ACAA2: variants seen among roughly 807,000 people sequenced by gnomAD.
ACAA2 encodes 3-ketoacyl-CoA thiolase, mitochondrial.
Under a neutral mutation model 44.8 loss-of-function variants are expected in ACAA2, and 35 were observed. The observed-to-expected ratio is 0.78, with a 90% CI of 0.60 to 1.04. The LOEUF (loss-of-function observed/expected upper bound fraction) is 1.04. Among genes scored for constraint, ACAA2 ranks in the 50% least tolerant of loss-of-function variants. The pLI, the probability that ACAA2 is intolerant of heterozygous loss-of-function variation, is 0.00. For synonymous variants in ACAA2, 142 were observed against 166.5 expected (o/e 0.85, Z 1.13); for missense variants, 468 against 482.6 (o/e 0.97, Z 0.28).
At chr18:49,801,814 A>ATATCTC (rs1491158195) in intron 2 of ACAA2, among the ~76,000 whole-genome samples, 1 of 135,000 alleles carries the variant, frequency 7.4e-6, no homozygotes, top group African/African-American at 2.7e-5. Context: ...ATATATATAT[A>ATATCTC]TCTTATCTTT....
At chr18:49,800,890 T>TA (rs5824805) in intron 2 of ACAA2, among the ~76,000 whole-genome samples, 76,832 of 121,110 alleles carry the variant, frequency 0.63, 23,001 homozygotes, top group Middle Eastern at 0.77. Context: ...GAATGATCAA[T>TA]AAAAAAAAAA....
intron 2 of ACAA2, 47 bp from the exon 3 acceptor site, chr18:49,797,641 T>C: frequency 6.7e-7 from 1 of 1,488,252 alleles, no homozygotes. Flanking sequence ...ATAAATCTAC[T>C]AATTAAGAAC....
At chr18:49,792,028 G>T in intron 6 of ACAA2, 124 bp downstream of exon 6, 1 of 634,408 alleles carries the variant, frequency 1.6e-6, no homozygotes, top group Non-Finnish European at 2.5e-6. Context: ...AATTGAATAT[G>T]AACACTATTA....
At chr18:49,799,672 AC>A (rs1196298389) in intron 2 of ACAA2, among the ~76,000 whole-genome samples, 8 of 144,920 alleles carry the variant, frequency 5.5e-5, no homozygotes, top group African/African-American at 2.1e-4. Context: ...CTGCCTGGCC[AC>A]CCATCGTCTG....
chr18:49,809,444 G>A (rs7242611), intron 1 of ACAA2, among the ~76,000 whole-genome samples: 30,659 of 152,114 alleles, frequency 0.2, 3,435 homozygotes, highest in East Asian at 0.39. Context: ...AGCTCTAGCC[G>A]GTCCCTCCAT....
chr18:49,792,442 ATT>A, intron 5 of ACAA2, 115 bp from the exon 6 acceptor site: 1 of 970,924 alleles, frequency 1.0e-6, no homozygotes, highest in South Asian at 1.8e-5. Context: ...CTACTTTAAT[ATT>A]GAGTCTTTAT....
rs904566552 is a variant in ACAA2 at position 49,799,748 on chromosome 18, G to C, written c.184-2154C>G. Among the ~76,000 whole-genome samples the C allele has an allele frequency of 6.6e-5, 10 of 150,964 alleles. No homozygotes were observed. In the South Asian group the frequency reaches 1.7e-3, roughly 26 times the overall value. On this transcript the variant is annotated intron_variant, in intron 2 of 9. Transcript: ENST00000285093. ...AAGTGAGGAGCGTCTCTGCCTGGCC[G>C]CCATCCCATCTAGGAAGTGAGGGGC... is the stretch of plus-strand genomic sequence containing the variant.
Position 49,787,284 on chromosome 18 carries a change from CACTT to C in ACAA2, c.954+3_954+6del, listed in dbSNP as rs914595019. On this transcript the variant is annotated splice_donor_5th_base_variant and intron_variant, in intron 8 of 9. Transcript: ENST00000285093. Reference sequence around the variant, plus strand: ...TTAAAAAAAAAAAAAAAAAAAAAAACACTTACCTCTACCAAATCCATGTCCTTAA... The same window carrying C: ...TTAAAAAAAAAAAAAAAAAAAAAAACACCTCTACCAAATCCATGTCCTTAA... 2.0e-5 allele frequency: 18 copies of C among 885,508 alleles called. No individual in the cohort carries two copies. Among genetic ancestry groups the C allele is most frequent in the African/African-American group, 1.4e-4 (6 of 44,006 alleles). The allele number at this position is 885,508 out of a possible 1,614,324, so 54.9% of individuals were successfully genotyped here. A position where few individuals can be genotyped will look rare whatever the true frequency, so the allele number is the denominator to read the frequency against.
intron 2 of ACAA2, among the ~76,000 whole-genome samples, chr18:49,798,697 T>A (rs2023493323): frequency 6.6e-6 from 1 of 152,152 alleles, no homozygotes; most frequent in African/African-American, 2.4e-5. Flanking sequence ...TGAATGCAGA[T>A]GGAACTGGGA....
At chr18:49,810,861 A>G (rs758891555) in intron 1 of ACAA2, among the ~76,000 whole-genome samples, 2 of 150,564 alleles carry the variant, frequency 1.3e-5, no homozygotes, top group Admixed American at 6.6e-5. Context: ...TAATTTTTGT[A>G]TTTTTTGTAG....
chr18:49,787,217 A>G, intron 8 of ACAA2, 74 bp downstream of exon 8: 6 of 1,210,734 alleles, frequency 5.0e-6, no homozygotes, highest in Non-Finnish European at 6.6e-6. Context: ...AGACCAAATT[A>G]AAGTCATTTA....
intron 8 of ACAA2, 23 bp downstream of exon 8, chr18:49,787,260 TAAAAAAAA>T (rs35932656): frequency 8.9e-5 from 91 of 1,028,130 alleles, no homozygotes; most frequent in East Asian, 8.7e-4. Flanking sequence ...TTCATGTTGT[TAAAAAAAA>T]AAAAAAAAAA....
intron 9 of ACAA2, among the ~76,000 whole-genome samples, chr18:49,784,667 A>C (rs1056076585): frequency 1.3e-5 from 2 of 152,150 alleles, no homozygotes; most frequent in South Asian, 4.1e-4. Flanking sequence ...ATATTCCAAA[A>C]ATAGAAGAGC....
chr18:49,792,655 C>G (rs533318449), intron 5 of ACAA2, among the ~76,000 whole-genome samples: 2 of 152,224 alleles, frequency 1.3e-5, no homozygotes, highest in South Asian at 2.1e-4. Flanking sequence ...TCCATGTTGG[C>G]CATGCTAGCC....
chr18:49,797,854 T>G (rs1325483069), intron 2 of ACAA2, among the ~76,000 whole-genome samples: 4 of 152,202 alleles, frequency 2.6e-5, no homozygotes, highest in African/African-American at 9.6e-5. Context: ...TTGTAACCAT[T>G]TTTAAGTGTA....
At chr18:49,809,217 T>C (rs1234507474) in intron 1 of ACAA2, among the ~76,000 whole-genome samples, 1 of 152,256 alleles carries the variant, frequency 6.6e-6, no homozygotes, top group African/African-American at 2.4e-5. Context: ...ATCGCTGTTA[T>C]TCTGTTCAAG....
Position 49,813,454 on chromosome 18 carries a change from G to A in ACAA2, c.16+15C>T. On this transcript the variant is annotated intron_variant, in intron 1 of 9. Transcript: ENST00000285093. ...ACCCCGAGGGGCGAGGAGAGGAGGAGGGGGCTGCGCTCACCTCGGAGCAGA... is the reference window on the plus strand; with the variant it reads ...ACCCCGAGGGGCGAGGAGAGGAGGAAGGGGCTGCGCTCACCTCGGAGCAGA... 8.1e-7 allele frequency: 1 copy of A among 1,241,738 alleles called. No individual in the cohort carries two copies. Among genetic ancestry groups the A allele is most frequent in the Non-Finnish European group, 1.0e-6 (1 of 987,444 alleles). The allele number at this position is 1,241,738 out of a possible 1,614,324, so 76.9% of individuals were successfully genotyped here. A position where few individuals can be genotyped will look rare whatever the true frequency, so the allele number is the denominator to read the frequency against.
intron 7 of ACAA2, 33 bp from the exon 8 acceptor site, chr18:49,787,394 T>C (rs755199067): frequency 8.4e-6 from 11 of 1,303,010 alleles, no homozygotes; most frequent in African/African-American, 1.6e-5. Context: ...TATAAAAATA[T>C]AGAAATAAAT....
At position 49,782,547 on chromosome 18, in the gene ACAA2, CA is replaced by C. The variant is rs72049121; in HGVS notation, c.*1299del. The stretch of plus-strand genomic sequence containing the variant: ...TGGGTGACAGAGCAAGATGCTATCT[CA>C]AAAAAAAAAAAAAAAGGCCGGGTGC... On this transcript the variant is annotated 3_prime_UTR_variant, in exon 10 of 10. Coordinates refer to ENST00000285093, the MANE Select transcript of ACAA2 (RefSeq NM_006111.3). 149 of 124,806 alleles carry C rather than the reference CA, an allele frequency of 1.2e-3. No homozygotes were observed. The highest frequency in any genetic ancestry group is 1.3e-3 in the Admixed American group (16 of 12,370). 7.7% of individuals were successfully genotyped at this position (124,806 alleles called of 1,614,324 possible).
Sources: gnomAD v4.1 joint callset for allele counts (sites outside exome capture counted in the v4.1 genomes callset) on GRCh38, gnomAD v4.1.1 for gene constraint, MANE v1.5 for transcripts, NCBI Gene and HGNC (gene_info 2026-07-23, HGNC 2026-07-21) for gene names.